NELL1: variants seen among roughly 807,000 people sequenced by gnomAD.
NELL1 encodes the protein protein kinase C-binding protein NELL1.
A neutral mutation model predicts 107.4 loss-of-function variants in NELL1; 76 were observed. The observed-to-expected ratio is 0.71, with a 90% CI of 0.59 to 0.86. The LOEUF (loss-of-function observed/expected upper bound fraction) is 0.86, where lower values mean the gene tolerates loss of function less well. Among genes scored for constraint, NELL1 ranks in the 40% least tolerant of loss-of-function variants. The pLI is 0.00. For synonymous variants in NELL1, 353 were observed against 341.2 expected (o/e 1.03, Z -0.38); for missense variants, 1,024 against 1,005.5 (o/e 1.02, Z -0.25).
At chr11:21,475,259 A>G (rs1854298638) in intron 15 of NELL1, among the ~76,000 whole-genome samples, 1 of 152,036 alleles carries the variant, frequency 6.6e-6, no homozygotes, top group Non-Finnish European at 1.5e-5. Context: ...GCTTTATCTC[A>G]GTGTCATTTT....
intron 2 of NELL1, among the ~76,000 whole-genome samples, chr11:20,697,406 T>G (rs370696991): frequency 7.2e-5 from 9 of 125,680 alleles, no homozygotes; most frequent in African/African-American, 1.5e-4. Context: ...TTTTTTTTTT[T>G]TTTTTCCTGC....
intron 3 of NELL1, among the ~76,000 whole-genome samples, chr11:20,840,563 A>G (rs1433126652): frequency 6.6e-6 from 1 of 152,214 alleles, no homozygotes; most frequent in East Asian, 1.9e-4. Flanking sequence ...TAAAGCACCT[A>G]CATGCCACCT....
chr11:20,814,825 G>T (rs938061744), intron 3 of NELL1, among the ~76,000 whole-genome samples: 1 of 152,102 alleles, frequency 6.6e-6, no homozygotes, highest in African/African-American at 2.4e-5. Context: ...CCAGTAAAGG[G>T]ATTGCTGAGT....
At chr11:20,780,171 A>G (rs1856825743) in intron 2 of NELL1, among the ~76,000 whole-genome samples, 1 of 152,194 alleles carries the variant, frequency 6.6e-6, no homozygotes, top group Non-Finnish European at 1.5e-5. Context: ...AAGAAATAAG[A>G]AAAGTCAACA....
chr11:21,318,219 A>T (rs1189360694), intron 14 of NELL1, among the ~76,000 whole-genome samples: 2 of 152,196 alleles, frequency 1.3e-5, no homozygotes, highest in Non-Finnish European at 2.9e-5. Flanking sequence ...TTTCTTATAA[A>T]ATTAAGGAAA....
At chr11:21,304,074 A>G (rs1340477297) in intron 14 of NELL1, among the ~76,000 whole-genome samples, 1 of 152,000 alleles carries the variant, frequency 6.6e-6, no homozygotes, top group Non-Finnish European at 1.5e-5. Flanking sequence ...TTGCAACATG[A>G]ATTTCGGGGA....
chr11:20,804,931 A>T (rs956919550), intron 3 of NELL1, among the ~76,000 whole-genome samples: 1 of 152,166 alleles, frequency 6.6e-6, no homozygotes, highest in Admixed American at 6.5e-5. Context: ...AGGTCTAATA[A>T]TATTTGCTTT....
At chr11:20,858,304 G>C in intron 4 of NELL1, among the ~76,000 whole-genome samples, 1 of 152,160 alleles carries the variant, frequency 6.6e-6, no homozygotes, top group East Asian at 1.9e-4. Flanking sequence ...TCTAGCCAGA[G>C]CACTGCTGCT....
At chr11:21,368,320 T>A (rs1851277567) in intron 14 of NELL1, among the ~76,000 whole-genome samples, 1 of 151,414 alleles carries the variant, frequency 6.6e-6, no homozygotes, top group Non-Finnish European at 1.5e-5. Flanking sequence ...TCTTCATCCC[T>A]ATCCTTTAAT....
intron 14 of NELL1, among the ~76,000 whole-genome samples, chr11:21,266,463 G>A (rs1257850380): frequency 6.6e-6 from 1 of 151,956 alleles, no homozygotes; most frequent in Non-Finnish European, 1.5e-5. Context: ...TAATCTACGT[G>A]GGCCCATGAA....
intron 13 of NELL1, among the ~76,000 whole-genome samples, chr11:21,183,504 G>T (rs1856870773): frequency 1.3e-5 from 2 of 151,900 alleles, no homozygotes; most frequent in Admixed American, 1.3e-4. Flanking sequence ...TCCAGTGTTT[G>T]CAGAAAAGTT....
intron 15 of NELL1, among the ~76,000 whole-genome samples, chr11:21,466,144 C>A (rs1010089708): frequency 2.6e-5 from 4 of 152,068 alleles, no homozygotes; most frequent in African/African-American, 9.7e-5. Context: ...TCTCCTGACT[C>A]CAAGTTTAAG....
rs368171586 is a variant in NELL1 at position 20,671,833 on chromosome 11, A to C, written c.55+2055A>C. On this transcript the variant is annotated intron_variant, in intron 1 of 19. Transcript: ENST00000357134. ...TATTAAGGAAATGTGGAGGAGAGACAGTTTGAATTAATTCTAGGGAGGAGT... is the reference window on the plus strand; with the variant it reads ...TATTAAGGAAATGTGGAGGAGAGACCGTTTGAATTAATTCTAGGGAGGAGT... 5.3e-5 allele frequency among the ~76,000 whole-genome samples: 8 copies of C among 152,164 alleles called. No individual in the cohort carries two copies. In the East Asian group the frequency reaches 1.5e-3, roughly 29 times the overall value.
At chr11:20,777,226 TG>T (rs1856767427) in intron 2 of NELL1, among the ~76,000 whole-genome samples, 1 of 152,246 alleles carries the variant, frequency 6.6e-6, no homozygotes, top group South Asian at 2.1e-4. Context: ...AGCTTTAGTT[TG>T]GTCATCTGTA....
chr11:20,973,959 C>T (rs1320194596), intron 12 of NELL1, among the ~76,000 whole-genome samples: 5 of 152,150 alleles, frequency 3.3e-5, no homozygotes, highest in African/African-American at 9.7e-5. Flanking sequence ...TTATAGTTCA[C>T]GTGTTGATGC....
At chr11:20,800,690 C>G (rs1184665150) in intron 3 of NELL1, among the ~76,000 whole-genome samples, 1 of 152,136 alleles carries the variant, frequency 6.6e-6, no homozygotes, top group Non-Finnish European at 1.5e-5. Context: ...AGAGCCTCAT[C>G]TCTAAGATGG....
At position 21,424,132 on chromosome 11, in the gene NELL1, AAAAT is replaced by A. The variant is rs527576496; in HGVS notation, c.1645+53188_1645+53191del. Among the ~76,000 whole-genome samples the A allele has an allele frequency of 1.6e-3, 244 of 152,314 alleles. 1 individual carries two copies. Among genetic ancestry groups the A allele is most frequent in the African/African-American group, 5.7e-3 (239 of 41,576 alleles). ...AAATAATAAAGATTAGAGCAAAAAT[AAAAT>A]AAAGAATAGAAAAGCAATAGAAAAA... is the stretch of plus-strand genomic sequence containing the variant. On this transcript the variant is annotated intron_variant, in intron 15 of 19. Transcript: ENST00000357134.
At chr11:21,088,659 A>T (rs1002204120) in intron 12 of NELL1, among the ~76,000 whole-genome samples, 2 of 152,182 alleles carry the variant, frequency 1.3e-5, no homozygotes, top group African/African-American at 2.4e-5. Flanking sequence ...TTAGCTGCGA[A>T]GTGAGAAAGT....
intron 4 of NELL1, among the ~76,000 whole-genome samples, chr11:20,868,765 C>T (rs1388824472): frequency 6.6e-6 from 1 of 152,028 alleles, no homozygotes; most frequent in Non-Finnish European, 1.5e-5. Flanking sequence ...GTAAAATAAA[C>T]TCTGAGATAT....
Sources: gnomAD v4.1 joint callset for allele counts (sites outside exome capture counted in the v4.1 genomes callset) on GRCh38, gnomAD v4.1.1 for gene constraint, MANE v1.5 for transcripts, NCBI Gene and HGNC (gene_info 2026-07-23, HGNC 2026-07-21) for gene names.